Variants in TUSC3 observed in about 807,000 individuals in gnomAD.
The protein encoded by TUSC3 is tumor suppressor candidate 3.
Under a neutral mutation model 44.8 loss-of-function variants are expected in TUSC3, and 45 were observed. That is an observed-to-expected ratio of 1.00 (90% CI 0.79 to 1.29). The LOEUF is 1.29. Ranked by LOEUF, TUSC3 falls within the 50% of genes most tolerant of loss-of-function variation. The pLI is 0.00. For synonymous variants in TUSC3, 212 were observed against 152.9 expected (o/e 1.39, Z -2.85); for missense variants, 519 against 437.9 (o/e 1.19, Z -1.65).
At chr8:15,663,905 T>C (rs1807538242) in intron 5 of TUSC3, among the ~76,000 whole-genome samples, 1 of 151,870 alleles carries the variant, frequency 6.6e-6, no homozygotes, top group South Asian at 2.1e-4. Context: ...TTCTTTGGTA[T>C]TTAAGAGTTA....
At chr8:15,560,268 A>C (rs1802410331) in intron 1 of TUSC3, among the ~76,000 whole-genome samples, 1 of 144,838 alleles carries the variant, frequency 6.9e-6, no homozygotes, top group African/African-American at 2.6e-5. Flanking sequence ...TATGAAGCTT[A>C]GTTTGGCTGG....
At chr8:15,514,281 T>C (rs1392964044) in intron 2 of TUSC3, among the ~76,000 whole-genome samples, 1 of 152,210 alleles carries the variant, frequency 6.6e-6, no homozygotes, top group African/African-American at 2.4e-5. Flanking sequence ...ATAGATGTTT[T>C]ATTTCAAAAT....
At chr8:15,660,305 C>A (rs1807360022) in intron 4 of TUSC3, among the ~76,000 whole-genome samples, 1 of 151,760 alleles carries the variant, frequency 6.6e-6, no homozygotes. Flanking sequence ...AATATTTTAC[C>A]TAGAATGAAG....
intron 7 of TUSC3, chr8:15,743,304 T>C (rs952633283): frequency 9.5e-6 from 5 of 524,762 alleles, no homozygotes; most frequent in Non-Finnish European, 1.4e-5. Context: ...TTAAGAACCT[T>C]TGGAATTAGC....
intron 1 of TUSC3, among the ~76,000 whole-genome samples, chr8:15,438,027 T>C (rs1000758388): frequency 1.3e-5 from 2 of 152,208 alleles, no homozygotes; most frequent in Non-Finnish European, 2.9e-5. Flanking sequence ...TTGTTAAATA[T>C]TTCTGAATAT....
At chr8:15,578,863 A>G (rs62504223) in intron 1 of TUSC3, among the ~76,000 whole-genome samples, 36,125 of 151,564 alleles carry the variant, frequency 0.24, 4,534 homozygotes, top group East Asian at 0.47. Flanking sequence ...CTCTTTTTCT[A>G]TTGATTGGAA....
At chr8:15,437,830 C>A (rs1449995425) in intron 1 of TUSC3, among the ~76,000 whole-genome samples, 2 of 152,124 alleles carry the variant, frequency 1.3e-5, no homozygotes, top group Admixed American at 6.5e-5. Flanking sequence ...AGAACACCTG[C>A]ACTGAGATAC....
At chr8:15,753,574 G>A (rs1037351555) in intron 9 of TUSC3, among the ~76,000 whole-genome samples, 12 of 152,162 alleles carry the variant, frequency 7.9e-5, no homozygotes, top group African/African-American at 1.7e-4. Flanking sequence ...TCTAGCACAT[G>A]TATATGTGCT....
intron 6 of TUSC3, among the ~76,000 whole-genome samples, chr8:15,717,327 G>A (rs1348834258): frequency 6.6e-6 from 1 of 152,036 alleles, no homozygotes; most frequent in Non-Finnish European, 1.5e-5. Context: ...GAAAAGAGAT[G>A]GAACAGCCTT....
Position 15,730,677 on chromosome 8 carries a change from T to C in TUSC3, c.810T>C (p.His270=). 6.2e-7 allele frequency: 1 copy of C among 1,613,120 alleles called. No individual in the cohort carries two copies. Among genetic ancestry groups the C allele is most frequent in the Non-Finnish European group, 8.5e-7 (1 of 1,179,380 alleles). Reference sequence around the variant, plus strand: ...GTCTTCTTTTATAGAGCTACATTCATGGGAGCAGCCAGGCTCAGTTTGTGG... The same window carrying C: ...GTCTTCTTTTATAGAGCTACATTCACGGGAGCAGCCAGGCTCAGTTTGTGG... ...NPHNGQVSYI[H]GSSQAQFVAE... is the part of the protein sequence containing the mutation. The change falls in exon 7 of 11, where the codon CAT becomes CAC. Residue 270 remains histidine (H), a synonymous_variant. Transcript: ENST00000503731.
chr8:15,686,877 G>A (rs574294439), intron 6 of TUSC3, among the ~76,000 whole-genome samples: 1 of 151,956 alleles, frequency 6.6e-6, no homozygotes, highest in South Asian at 2.1e-4. Context: ...GACCATCCTG[G>A]CTAACACAGT....
chr8:15,839,606 G>T, the TUSC3 span, among the ~76,000 whole-genome samples: 1 of 152,196 alleles, frequency 6.6e-6, no homozygotes, highest in Non-Finnish European at 1.5e-5. Context: ...CATTTATGCA[G>T]CCAACAGATA....
At chr8:15,438,931 G>A (rs1799986023) in intron 1 of TUSC3, among the ~76,000 whole-genome samples, 1 of 152,150 alleles carries the variant, frequency 6.6e-6, no homozygotes, top group Admixed American at 6.6e-5. Flanking sequence ...AAATGGTGTG[G>A]TCGCAAGGAG....
rs188666174 is a variant in TUSC3, at chr8:15,641,017, C to A, written c.309-9680C>A. On this transcript the variant is annotated intron_variant, in intron 2 of 10. Transcript: ENST00000503731. Reference sequence around the variant, plus strand: ...TAGACATACCTCTTTGCCATGTATACTGAGTGTGTTATATGTATTGTGTGC... The same window carrying A: ...TAGACATACCTCTTTGCCATGTATAATGAGTGTGTTATATGTATTGTGTGC... Among the ~76,000 whole-genome samples the A allele has an allele frequency of 5.9e-5, 9 of 152,038 alleles. No homozygotes were observed. The East Asian group carries it at 1.7e-3, about 29-fold the overall frequency.
At chr8:15,575,823 A>T (rs553705645) in intron 1 of TUSC3, among the ~76,000 whole-genome samples, 1 of 152,226 alleles carries the variant, frequency 6.6e-6, no homozygotes, top group South Asian at 2.1e-4. Flanking sequence ...TACATAGTTT[A>T]TATCATTTTT....
chr8:15,457,290 C>G (rs1279037348), intron 1 of TUSC3, among the ~76,000 whole-genome samples: 1 of 151,540 alleles, frequency 6.6e-6, no homozygotes, highest in Non-Finnish European at 1.5e-5. Flanking sequence ...ACGTTGTGCA[C>G]AAGTACCCTA....
chr8:15,804,048 C>A, the TUSC3 span, among the ~76,000 whole-genome samples: 3 of 152,120 alleles, frequency 2.0e-5, no homozygotes, highest in Non-Finnish European at 2.9e-5. Context: ...GATTTATAAT[C>A]CTTTGGGTAT....
At chr8:15,457,383 A>G (rs1800271109) in intron 1 of TUSC3, among the ~76,000 whole-genome samples, 1 of 151,978 alleles carries the variant, frequency 6.6e-6, no homozygotes, top group South Asian at 2.1e-4. Flanking sequence ...AGAGAAAAAC[A>G]TATGGCCAAT....
intron 2 of TUSC3, among the ~76,000 whole-genome samples, chr8:15,499,083 C>G (rs1800922050): frequency 6.6e-6 from 1 of 152,008 alleles, no homozygotes; most frequent in African/African-American, 2.4e-5. Context: ...CTCTTGCCAT[C>G]AGACTCCATC....
Sources: gnomAD v4.1 joint callset for allele counts (sites outside exome capture counted in the v4.1 genomes callset) on GRCh38, gnomAD v4.1.1 for gene constraint, MANE v1.5 for transcripts, NCBI Gene and HGNC (gene_info 2026-07-23, HGNC 2026-07-21) for gene names.